WDR19: variants seen among roughly 807,000 people sequenced by gnomAD.
The protein encoded by WDR19 is WD repeat-containing protein 19.
In WDR19, 121 loss-of-function variants were observed where a neutral mutation model predicts 180.0. The observed-to-expected ratio is 0.67, with a 90% CI of 0.58 to 0.78. The LOEUF is 0.78. Ranked by LOEUF, WDR19 falls within the 30% of genes least tolerant of loss-of-function variation. WDR19 has a pLI of 0.00. For missense variants in WDR19, 1,450 were observed against 1,640.7 expected (o/e 0.88, Z 2.01); for synonymous variants, 497 against 540.7 (o/e 0.92, Z 1.12).
intron 7 of WDR19, among the ~76,000 whole-genome samples, chr4:39,204,341 T>C (rs182611699): frequency 0.011 from 1,633 of 152,280 alleles, 31 homozygotes; most frequent in African/African-American, 0.037. Context: ...TCCCTCGGCC[T>C]CCCAAAGTGC....
At chr4:39,226,111 G>A (rs910740724) in intron 15 of WDR19, among the ~76,000 whole-genome samples, 8 of 151,494 alleles carry the variant, frequency 5.3e-5, no homozygotes, top group East Asian at 1.9e-4. Flanking sequence ...CCCTGTGTGC[G>A]TTCACCACAG....
intron 20 of WDR19, among the ~76,000 whole-genome samples, chr4:39,239,007 C>T (rs1731639128): frequency 6.6e-6 from 1 of 152,108 alleles, no homozygotes; most frequent in African/African-American, 2.4e-5. Context: ...GATGGAGTCT[C>T]ACTCTGTCAC....
chr4:39,225,083 G>A (rs1560511190), intron 15 of WDR19, 50 bp downstream of exon 15: 2 of 1,413,888 alleles, frequency 1.4e-6, no homozygotes, highest in Admixed American at 3.2e-5. Context: ...GCAATATAGG[G>A]AAAAAAAGTG....
chr4:39,199,495 A>G lies in WDR19; in HGVS notation c.424A>G (p.Ile142Val). 6.2e-7 allele frequency: 1 copy of G among 1,612,728 alleles called. No individual in the cohort carries two copies. The highest frequency in any genetic ancestry group is 8.5e-7 in the Non-Finnish European group (1 of 1,179,518). Residue 142 changes from isoleucine to valine, a missense_variant, in exon 6 of 37, where the codon ATC becomes GTC. Ile to Val is a conservative substitution (Grantham distance 29, BLOSUM62 3). Coordinates refer to ENST00000399820, the MANE Select transcript of WDR19 (RefSeq NM_025132.4). The stretch of plus-strand genomic sequence containing the variant: ...TTTTTCAGGAAAACATACTAAGAGA[A>G]TCACTTGTGGATGTTGGAATGCAGA... The part of the protein sequence containing the change: ...IPVLGKHTKR[I>V]TCGCWNAENL...
intron 3 of WDR19, among the ~76,000 whole-genome samples, chr4:39,188,209 C>A (rs1725761124): frequency 6.7e-6 from 1 of 148,228 alleles, no homozygotes; most frequent in African/African-American, 2.5e-5. Context: ...ATATTTAATA[C>A]CAAGATGAAA....
intron 9 of WDR19, among the ~76,000 whole-genome samples, chr4:39,208,531 G>T (rs1234961976): frequency 1.3e-5 from 2 of 151,868 alleles, no homozygotes; most frequent in African/African-American, 2.4e-5. Flanking sequence ...GTTTCGAACT[G>T]ACCTCAAGTG....
At chr4:39,220,788 G>A (rs764566053) in intron 14 of WDR19, among the ~76,000 whole-genome samples, 2 of 149,604 alleles carry the variant, frequency 1.3e-5, no homozygotes, top group Admixed American at 6.6e-5. Context: ...GATTACAGGC[G>A]CAAGGCACCG....
rs28458249 is a variant in WDR19, at chr4:39,194,507, C to A, written c.291-37C>A. On this transcript the variant is annotated intron_variant, in intron 4 of 36. Coordinates refer to ENST00000399820, the MANE Select transcript of WDR19 (RefSeq NM_025132.4). ...TAAAGGACTGTTTAGAGGTTATGAT[C>A]GTGAATTGTTTAGTAATTTATATCT... 2.7e-4 allele frequency: 378 copies of A among 1,387,824 alleles called. No individual in the cohort carries two copies. The African/African-American group carries it at 3.4e-3, about 13-fold the overall frequency. The allele number at this position is 1,387,824 out of a possible 1,614,324, so 86.0% of individuals were successfully genotyped here. A position where few individuals can be genotyped will look rare whatever the true frequency, so the allele number is the denominator to read the frequency against.
intron 17 of WDR19, among the ~76,000 whole-genome samples, chr4:39,230,274 T>G (rs1730700855): frequency 6.6e-6 from 1 of 152,168 alleles, no homozygotes; most frequent in African/African-American, 2.4e-5. Flanking sequence ...GGAATGCCCT[T>G]TCCCTGCTCT....
At chr4:39,271,641 CTG>C (rs1479359750) in intron 31 of WDR19, among the ~76,000 whole-genome samples, 1 of 152,200 alleles carries the variant, frequency 6.6e-6, no homozygotes, top group Non-Finnish European at 1.5e-5. Context: ...ATACATATCT[CTG>C]TAAAGATACA....
intron 4 of WDR19, 82 bp downstream of exon 4, chr4:39,189,863 T>G: frequency 2.1e-6 from 3 of 1,420,324 alleles, no homozygotes; most frequent in Non-Finnish European, 2.8e-6. Context: ...TCTTTACTAC[T>G]TTCATTTTAA....
rs1284618264 is a variant in WDR19 at position 39,232,159 on chromosome 4, T to C, written c.2143-3T>C. The C allele has an allele frequency of 6.2e-7, 1 of 1,610,486 alleles. No homozygotes were observed. Among genetic ancestry groups the C allele is most frequent in the Non-Finnish European group, 8.5e-7 (1 of 1,178,368 alleles). On this transcript the variant is annotated splice_region_variant and splice_polypyrimidine_tract_variant and intron_variant, in intron 18 of 36. Coordinates refer to ENST00000399820, the MANE Select transcript of WDR19 (RefSeq NM_025132.4). ...TTCTCATCAGAATTGCTTTTATTTG[T>C]AGGGAATAGAGGACTACAATCTTTT...
chr4:39,211,321 A>G (rs1049857872), intron 9 of WDR19, among the ~76,000 whole-genome samples: 2 of 152,256 alleles, frequency 1.3e-5, no homozygotes, highest in African/African-American at 4.8e-5. Context: ...TCAACCTAGC[A>G]TTAGAAGTTC....
intron 17 of WDR19, among the ~76,000 whole-genome samples, chr4:39,228,895 C>T (rs922712144): frequency 1.3e-5 from 2 of 151,900 alleles, no homozygotes; most frequent in Admixed American, 6.6e-5. Flanking sequence ...TTAATGTACC[C>T]ATCACCAGAA....
intron 4 of WDR19, 71 bp from the exon 5 acceptor site, chr4:39,194,473 G>A: frequency 1.1e-6 from 1 of 917,632 alleles, no homozygotes; most frequent in Non-Finnish European, 1.6e-6. Context: ...TATCCAAGGA[G>A]TACTTTTTTA....
chr4:39,227,065 G>T (rs7673240), intron 15 of WDR19, among the ~76,000 whole-genome samples: 9,951 of 152,098 alleles, frequency 0.065, 1,096 homozygotes, highest in African/African-American at 0.23. Context: ...AAAGTAATGA[G>T]ATATTTTACA....
At chr4:39,212,816 A>G (rs1728687503) in intron 9 of WDR19, among the ~76,000 whole-genome samples, 2 of 152,214 alleles carry the variant, frequency 1.3e-5, no homozygotes, top group Non-Finnish European at 2.9e-5. Flanking sequence ...TTTTTTGTTT[A>G]AATGTCAATT....
chr4:39,268,382 G>C (rs1210306274), intron 30 of WDR19, among the ~76,000 whole-genome samples: 5 of 152,074 alleles, frequency 3.3e-5, no homozygotes, highest in Non-Finnish European at 4.4e-5. Flanking sequence ...CACCCCTCCA[G>C]CCCACAACCC....
chr4:39,192,872 T>TATCC (rs1364006450), intron 4 of WDR19, among the ~76,000 whole-genome samples: 1 of 152,146 alleles, frequency 6.6e-6, no homozygotes, highest in Non-Finnish European at 1.5e-5. Flanking sequence ...GCCCAGCAGT[T>TATCC]ATCCCTCCCT....
Sources: gnomAD v4.1 joint callset for allele counts (sites outside exome capture counted in the v4.1 genomes callset) on GRCh38, gnomAD v4.1.1 for gene constraint, MANE v1.5 for transcripts, NCBI Gene and HGNC (gene_info 2026-07-23, HGNC 2026-07-21) for gene names.